The following GFRA1 variants were observed in gnomAD, a reference collection of about 807,000 sequenced individuals.
GFRA1 encodes the protein GDNF family receptor alpha 1.
A neutral mutation model predicts 51.6 loss-of-function variants in GFRA1; 16 were observed. The observed-to-expected ratio is 0.31, with a 90% CI of 0.21 to 0.47. GFRA1 has a LOEUF of 0.47. Among genes scored for constraint, GFRA1 ranks in the 20% least tolerant of loss-of-function variants. GFRA1 has a pLI of 1.00. For missense variants in GFRA1, 530 were observed against 594.3 expected, an observed-to-expected ratio of 0.89 and a Z score of 1.13; for synonymous variants, 270 against 241.3, an observed-to-expected ratio of 1.12 and a Z score of -1.10.
chr10:116,251,450 G>A (rs969847969), intron 4 of GFRA1, among the ~76,000 whole-genome samples: 1 of 152,144 alleles, frequency 6.6e-6, no homozygotes, highest in Non-Finnish European at 1.5e-5. Context: ...CCTCCCCCAC[G>A]AGACACTGAT....
chr10:116,225,081 A>G (rs779168173), intron 4 of GFRA1, among the ~76,000 whole-genome samples: 3 of 152,152 alleles, frequency 2.0e-5, no homozygotes, highest in Non-Finnish European at 4.4e-5. Context: ...TGTTCAATAC[A>G]GTAGCCCCCA....
chr10:116,236,650 G>C (rs1223111090), intron 4 of GFRA1, among the ~76,000 whole-genome samples: 2 of 152,262 alleles, frequency 1.3e-5, no homozygotes, highest in South Asian at 2.1e-4. Flanking sequence ...GTAACTGTTA[G>C]GATTAAAGAA....
At chr10:116,110,639 A>G (rs1358975835) in intron 6 of GFRA1, among the ~76,000 whole-genome samples, 2 of 152,180 alleles carry the variant, frequency 1.3e-5, no homozygotes, top group East Asian at 3.9e-4. Flanking sequence ...CCCAGGACAG[A>G]GACTGTTCAT....
intron 5 of GFRA1, among the ~76,000 whole-genome samples, chr10:116,179,315 T>C (rs982871610): frequency 6.6e-6 from 1 of 152,208 alleles, no homozygotes; most frequent in African/African-American, 2.4e-5. Context: ...AGGGAGCATA[T>C]ATTCACAAAA....
At chr10:116,066,035 CTTAAAG>C (rs746553879) in intron 9 of GFRA1, among the ~76,000 whole-genome samples, 2 of 152,120 alleles carry the variant, frequency 1.3e-5, no homozygotes, top group African/African-American at 2.4e-5. Context: ...TCCCTCATTT[CTTAAAG>C]TTAATTTTTG....
At chr10:116,263,492 G>T (rs1348574009) in intron 4 of GFRA1, among the ~76,000 whole-genome samples, 2 of 152,204 alleles carry the variant, frequency 1.3e-5, no homozygotes, top group Non-Finnish European at 2.9e-5. Context: ...CATTCACCCA[G>T]GTTGGTGGAA....
intron 4 of GFRA1, among the ~76,000 whole-genome samples, chr10:116,249,984 C>G (rs1968189224): frequency 6.6e-6 from 1 of 152,050 alleles, no homozygotes; most frequent in Non-Finnish European, 1.5e-5. Context: ...TATGGAAGAC[C>G]TCTGGTTGAA....
chr10:116,218,780 A>G (rs1329239341), intron 4 of GFRA1, among the ~76,000 whole-genome samples: 1 of 152,188 alleles, frequency 6.6e-6, no homozygotes, highest in Non-Finnish European at 1.5e-5. Flanking sequence ...CTTCTAAGCC[A>G]AAAATGACAA....
intron 4 of GFRA1, among the ~76,000 whole-genome samples, chr10:116,258,547 CTAA>C (rs1235305639): frequency 6.6e-6 from 1 of 150,980 alleles, no homozygotes; most frequent in Non-Finnish European, 1.5e-5. Flanking sequence ...TAAAAAATAT[CTAA>C]TAATCCTTTA....
chr10:116,223,306 T>C (rs1966055822), intron 4 of GFRA1, among the ~76,000 whole-genome samples: 1 of 152,214 alleles, frequency 6.6e-6, no homozygotes, highest in Non-Finnish European at 1.5e-5. Context: ...TGTGAACAAA[T>C]ACTAAAACCA....
At chr10:116,214,708 G>C (rs190448705) in intron 4 of GFRA1, among the ~76,000 whole-genome samples, 2 of 152,324 alleles carry the variant, frequency 1.3e-5, no homozygotes, top group Non-Finnish European at 2.9e-5. Context: ...TACGGATTCA[G>C]TCTCGACATC....
intron 6 of GFRA1, among the ~76,000 whole-genome samples, chr10:116,118,756 A>G (rs1427316294): frequency 6.6e-6 from 1 of 152,234 alleles, no homozygotes; most frequent in Non-Finnish European, 1.5e-5. Flanking sequence ...AAAGACAAGG[A>G]GTCCCTGCTT....
At chr10:116,149,180 G>C (rs1192200925) in intron 5 of GFRA1, among the ~76,000 whole-genome samples, 1 of 152,130 alleles carries the variant, frequency 6.6e-6, no homozygotes, top group Non-Finnish European at 1.5e-5. Context: ...ACATGCTCGA[G>C]AATACTTAGG....
At chr10:116,064,997 A>G (rs1334989709) in intron 10 of GFRA1, among the ~76,000 whole-genome samples, 1 of 152,140 alleles carries the variant, frequency 6.6e-6, no homozygotes, top group African/African-American at 2.4e-5. Context: ...TGTTGCTGGG[A>G]GAACTAAACC....
rs180792316 is a variant in GFRA1, at chr10:116,265,974, T to C, written c.418+3529A>G. On this transcript the variant is annotated intron_variant, in intron 4 of 10. Transcript: ENST00000355422. ...CCACCCTCCCTCTGCAGTTCTCTCC[T>C]GACTTGGCTACTTGGTTTCCCTTCT... 7.2e-5 allele frequency among the ~76,000 whole-genome samples: 11 copies of C among 152,318 alleles called. No homozygotes were observed. The East Asian group carries it at 2.1e-3, about 29-fold the overall frequency.
chr10:116,192,567 G>C (rs990083144), intron 5 of GFRA1, among the ~76,000 whole-genome samples: 2 of 152,208 alleles, frequency 1.3e-5, no homozygotes, highest in African/African-American at 4.8e-5. Context: ...TGAATCCACA[G>C]AGTCAAACTG....
At position 116,064,289 on chromosome 10, in the gene GFRA1, G is replaced by T; in HGVS notation, c.*109C>A. 2.1e-6 allele frequency: 2 copies of T among 931,974 alleles called. No individual in the cohort carries two copies. The highest frequency in any genetic ancestry group is 1.7e-6 in the Non-Finnish European group (1 of 589,196). 57.7% of individuals were successfully genotyped at this position (931,974 alleles called of 1,614,324 possible). A position where few individuals can be genotyped will look rare whatever the true frequency, so the allele number is the denominator to read the frequency against. On this transcript the variant is annotated 3_prime_UTR_variant, in exon 11 of 11. Transcript: ENST00000355422. ...AAAAATGTTCCAGTTGAATGGAACT[G>T]TTTCTCAACTGAGCTCCTAAACTGG...
At chr10:116,170,672 A>G (rs1960933152) in intron 5 of GFRA1, among the ~76,000 whole-genome samples, 1 of 152,230 alleles carries the variant, frequency 6.6e-6, no homozygotes. Flanking sequence ...CTCAGATTCA[A>G]TTCTCCAATA....
chr10:116,180,645 C>G (rs1387234507), intron 5 of GFRA1, among the ~76,000 whole-genome samples: 2 of 152,192 alleles, frequency 1.3e-5, no homozygotes, highest in Non-Finnish European at 2.9e-5. Flanking sequence ...CCACCCACGG[C>G]CAATCATTGG....
Sources: allele counts gnomAD v4.1 joint callset (sites outside exome capture counted in the v4.1 genomes callset), GRCh38; gene constraint gnomAD v4.1.1; transcripts MANE v1.5; gene names NCBI Gene and HGNC (gene_info 2026-07-23, HGNC 2026-07-21).